The following PTPRN2 variants were observed in gnomAD, a reference collection of about 807,000 sequenced individuals.
The protein encoded by PTPRN2 is receptor-type tyrosine-protein phosphatase N2.
A neutral mutation model predicts 118.8 loss-of-function variants in PTPRN2; 74 were observed. That is an observed-to-expected ratio of 0.62 (90% CI 0.52 to 0.76). The LOEUF is 0.76. PTPRN2 is among the 30% of genes least tolerant of loss of function. The probability of loss-of-function intolerance (pLI) is 0.00; values close to 1 mark genes in which losing one functional copy is unlikely to be tolerated. For synonymous variants in PTPRN2, 641 were observed against 608.0 expected (o/e 1.05, Z -0.80); for missense variants, 1,481 against 1,394.4 (o/e 1.06, Z -0.99).
chr7:158,333,677 A>G (rs1477192339), intron 2 of PTPRN2, among the ~76,000 whole-genome samples: 8 of 151,486 alleles, frequency 5.3e-5, no homozygotes, highest in Non-Finnish European at 1.2e-4. Context: ...ACACCCACAG[A>G]CATCACTCAC....
intron 11 of PTPRN2, among the ~76,000 whole-genome samples, chr7:157,947,605 C>T (rs1202884330): frequency 6.6e-5 from 10 of 152,052 alleles, no homozygotes; most frequent in African/African-American, 1.4e-4. Context: ...CACCTTTGGG[C>T]GAGACTGGCT....
At chr7:158,181,774 G>A (rs1014960119) in intron 5 of PTPRN2, among the ~76,000 whole-genome samples, 2 of 152,060 alleles carry the variant, frequency 1.3e-5, no homozygotes, top group Admixed American at 1.3e-4. Context: ...TTGTATTTCT[G>A]TGGTATAGTT....
intron 21 of PTPRN2, among the ~76,000 whole-genome samples, chr7:157,557,552 C>CCCCACACA (rs139001071): frequency 1.1e-4 from 17 of 149,728 alleles, no homozygotes; most frequent in African/African-American, 3.9e-4. Flanking sequence ...ACACACACTC[C>CCCCACACA]CACACACACA....
intron 8 of PTPRN2, among the ~76,000 whole-genome samples, 194 bp downstream of exon 8, chr7:158,136,461 A>G (rs1327776191): frequency 1.3e-5 from 2 of 152,208 alleles, no homozygotes; most frequent in Non-Finnish European, 2.9e-5. Context: ...TTGAAAAGAG[A>G]TATTTCGTAT....
intron 3 of PTPRN2, among the ~76,000 whole-genome samples, chr7:158,300,809 T>C (rs867750464): frequency 2.0e-5 from 3 of 151,900 alleles, no homozygotes; most frequent in Non-Finnish European, 4.4e-5. Context: ...CCACAGTCCT[T>C]CTCATGTGTG....
intron 12 of PTPRN2, among the ~76,000 whole-genome samples, chr7:157,819,054 T>C (rs1365034776): frequency 6.6e-6 from 1 of 152,166 alleles, no homozygotes; most frequent in Non-Finnish European, 1.5e-5. Flanking sequence ...TGTGGGATTC[T>C]TCATTTCTGC....
chr7:158,392,783 C>A (rs540317973), intron 2 of PTPRN2, among the ~76,000 whole-genome samples: 4 of 152,324 alleles, frequency 2.6e-5, no homozygotes, highest in South Asian at 4.1e-4. Flanking sequence ...GTATCCCCTG[C>A]GGACAGGACC....
rs1424426127 is a variant in PTPRN2 at position 158,529,671 on chromosome 7, A to T, written c.113-39886T>A. Among the ~76,000 whole-genome samples the T allele has an allele frequency of 6.6e-6, 1 of 152,184 alleles. No individual in the cohort carries two copies. The highest frequency in any genetic ancestry group is 1.5e-5 in the Non-Finnish European group (1 of 68,028). On this transcript the variant is annotated intron_variant, in intron 1 of 22. Transcript: ENST00000389418. This position sits in a 1 kb window ranked among gnomAD's most constrained non-coding sequence, Gnocchi z 4.7. ...ATGACAGCAGCTTCCCTCTGCGGAC[A>T]CAGCACACACTCACCACACCTGGGC...
intron 2 of PTPRN2, among the ~76,000 whole-genome samples, chr7:158,416,160 C>T (rs1298840646): frequency 6.6e-6 from 1 of 152,222 alleles, no homozygotes; most frequent in Non-Finnish European, 1.5e-5. Context: ...TCCCTGGGCC[C>T]CATGCACTGG....
intron 11 of PTPRN2, among the ~76,000 whole-genome samples, chr7:158,021,661 T>C (rs571141420): frequency 6.6e-6 from 1 of 151,908 alleles, no homozygotes; most frequent in Non-Finnish European, 1.5e-5. Flanking sequence ...CACATCCTGA[T>C]CTCTGATGTC....
intron 6 of PTPRN2, among the ~76,000 whole-genome samples, chr7:158,144,440 C>A (rs1819696251): frequency 6.6e-6 from 1 of 152,140 alleles, no homozygotes; most frequent in Non-Finnish European, 1.5e-5. Context: ...GAGTTGGAGA[C>A]CAGCCTGAGC....
At chr7:158,333,367 C>T (rs1166074711) in intron 2 of PTPRN2, among the ~76,000 whole-genome samples, 73 of 144,482 alleles carry the variant, frequency 5.1e-4, no homozygotes, top group African/African-American at 1.9e-3. Context: ...GTCACTCACA[C>T]CCACACTCGC....
intron 6 of PTPRN2, among the ~76,000 whole-genome samples, chr7:158,140,779 C>T (rs983092028): frequency 3.9e-5 from 6 of 152,208 alleles, no homozygotes; most frequent in Admixed American, 1.3e-4. Flanking sequence ...TGTCCACCTG[C>T]GGTCTGCGCA....
intron 10 of PTPRN2, among the ~76,000 whole-genome samples, chr7:158,101,752 G>A (rs567474840): frequency 6.6e-5 from 10 of 152,274 alleles, no homozygotes; most frequent in African/African-American, 1.4e-4. Context: ...TAGTGCACCC[G>A]TCAGCCTCAG....
At chr7:158,348,707 A>C (rs1442175943) in intron 2 of PTPRN2, among the ~76,000 whole-genome samples, 1 of 152,188 alleles carries the variant, frequency 6.6e-6, no homozygotes, top group Non-Finnish European at 1.5e-5. Flanking sequence ...ACCACAGCAC[A>C]GGACTTCTCA....
intron 2 of PTPRN2, among the ~76,000 whole-genome samples, chr7:158,325,234 A>G (rs1283210016): frequency 6.6e-6 from 1 of 151,678 alleles, no homozygotes. Flanking sequence ...CTTCCACCAA[A>G]CGCCGTGAAC....
intron 9 of PTPRN2, among the ~76,000 whole-genome samples, chr7:158,116,707 G>A (rs1816758786): frequency 1.3e-5 from 2 of 152,166 alleles, no homozygotes; most frequent in Non-Finnish European, 2.9e-5. Context: ...ATGACTTACA[G>A]GGGATTTAAA....
intron 12 of PTPRN2, among the ~76,000 whole-genome samples, chr7:157,758,922 C>T (rs1801972519): frequency 6.6e-6 from 1 of 152,240 alleles, no homozygotes; most frequent in Admixed American, 6.5e-5. Context: ...ACGGTACGCC[C>T]CTCCAGCCAC....
At chr7:158,208,942 TGTTA>T (rs1827372096) in intron 3 of PTPRN2, among the ~76,000 whole-genome samples, 1 of 152,156 alleles carries the variant, frequency 6.6e-6, no homozygotes, top group Non-Finnish European at 1.5e-5. Flanking sequence ...TGTGCTGGTT[TGTTA>T]GTTTGCTTAT....
Sources: allele counts gnomAD v4.1 joint callset (sites outside exome capture counted in the v4.1 genomes callset), GRCh38; gene constraint gnomAD v4.1.1; non-coding constraint Gnocchi (gnomAD v3.1); transcripts MANE v1.5; gene names NCBI Gene and HGNC (gene_info 2026-07-23, HGNC 2026-07-21).